Variants in DOCK10 observed in about 807,000 individuals in gnomAD.
DOCK10 encodes the protein dedicator of cytokinesis protein 10.
A neutral mutation model predicts 280.1 loss-of-function variants in DOCK10; 145 were observed. The observed-to-expected ratio is 0.52, with a 90% CI of 0.45 to 0.59. The LOEUF is 0.59. DOCK10 is among the 20% of genes least tolerant of loss of function. The pLI is 0.00. For synonymous variants in DOCK10, 915 were observed against 942.2 expected (o/e 0.97, Z 0.53); for missense variants, 2,368 against 2,651.7 (o/e 0.89, Z 2.35).
At position 224,993,078 on chromosome 2, in the gene DOCK10, G is replaced by A. The variant is rs575414977; in HGVS notation, c.123+49174C>T. On this transcript the variant is annotated intron_variant, in intron 1 of 55. Transcript: ENST00000258390. The stretch of plus-strand genomic sequence containing the variant: ...AGGAAAGAACTGAAAATCAGGCAGT[G>A]GAAGGAGGTCCTACCAAGCCCAGAA... 4.7e-4 allele frequency among the ~76,000 whole-genome samples: 71 copies of A among 152,270 alleles called. No individual in the cohort carries two copies. In the South Asian group the frequency reaches 5.8e-3, roughly 12 times the overall value.
chr2:224,885,930 T>A (rs1346115415), intron 6 of DOCK10, 125 bp from the exon 7 acceptor site: 1 of 1,494,368 alleles, frequency 6.7e-7, no homozygotes, highest in East Asian at 2.3e-5. Flanking sequence ...GAGAAGAGCA[T>A]CCTACTTCCT....
At chr2:224,914,872 G>A (rs1002083953) in intron 3 of DOCK10, among the ~76,000 whole-genome samples, 6 of 151,982 alleles carry the variant, frequency 3.9e-5, no homozygotes, top group East Asian at 1.9e-4. Flanking sequence ...AATTAAATAC[G>A]AACTATTAGG....
intron 1 of DOCK10, among the ~76,000 whole-genome samples, chr2:224,947,673 A>G (rs1703503391): frequency 6.6e-6 from 1 of 152,154 alleles, no homozygotes. Flanking sequence ...CTCTGGGGCT[A>G]TTTAATTTAA....
At chr2:224,859,274 G>T (rs549313347) in intron 14 of DOCK10, among the ~76,000 whole-genome samples, 4 of 152,318 alleles carry the variant, frequency 2.6e-5, no homozygotes, top group African/African-American at 7.2e-5. Context: ...AAAATTCAGT[G>T]TTGAGTGCTG....
chr2:225,035,569 TATA>T lies in DOCK10; in HGVS notation c.123+6680_123+6682del, dbSNP rs1346724515. On this transcript the variant is annotated intron_variant, in intron 1 of 55. Coordinates refer to ENST00000258390, the MANE Select transcript of DOCK10 (RefSeq NM_014689.3). Reference sequence around the variant, plus strand: ...ATATATATATATATATATATATATATATATATATATATATATATAACACTGAAT... The same window carrying T: ...ATATATATATATATATATATATATATTATATATATATATATAACACTGAAT... Among the ~76,000 whole-genome samples, 401 of 52,196 alleles carry T rather than the reference TATA, an allele frequency of 7.7e-3. 37 individuals are homozygous for T. The highest frequency in any genetic ancestry group is 0.034 in the East Asian group (59 of 1,736). The allele number at this position is 52,196 out of a possible 152,430, so 34.2% of individuals were successfully genotyped here.
intron 1 of DOCK10, among the ~76,000 whole-genome samples, chr2:225,040,680 C>T (rs1406716298): frequency 1.3e-5 from 2 of 152,112 alleles, no homozygotes. Flanking sequence ...GTGTTTCCAT[C>T]AGATCCTCAG....
At chr2:225,041,575 A>G (rs1386339896) in intron 1 of DOCK10, among the ~76,000 whole-genome samples, 1 of 152,196 alleles carries the variant, frequency 6.6e-6, no homozygotes, top group Non-Finnish European at 1.5e-5. Flanking sequence ...TGCTGGTGGG[A>G]GAACCCCGCG....
At chr2:224,839,366 C>G (rs1178580135) in intron 24 of DOCK10, among the ~76,000 whole-genome samples, 2 of 151,992 alleles carry the variant, frequency 1.3e-5, no homozygotes, top group Non-Finnish European at 2.9e-5. Flanking sequence ...CTCGGCCTCC[C>G]AAAGTGCTGG....
intron 48 of DOCK10, among the ~76,000 whole-genome samples, chr2:224,787,984 C>A (rs3768880): frequency 0.31 from 47,190 of 151,918 alleles, 8,397 homozygotes; most frequent in East Asian, 0.78. Flanking sequence ...TATAGATGCA[C>A]CTATAAGAAC....
At chr2:225,040,051 T>G (rs1216079401) in intron 1 of DOCK10, among the ~76,000 whole-genome samples, 1 of 152,182 alleles carries the variant, frequency 6.6e-6, no homozygotes, top group African/African-American at 2.4e-5. Flanking sequence ...ACAACCATGT[T>G]TTGAGAACTT....
In DOCK10 at chr2:224,765,650, C is replaced by A; in HGVS notation, c.*71G>T. 1 of 1,084,450 alleles carries A rather than the reference C, an allele frequency of 9.2e-7. No homozygotes were observed. The highest frequency in any genetic ancestry group is 1.4e-6 in the Non-Finnish European group (1 of 739,306). 67.2% of individuals were successfully genotyped at this position (1,084,450 alleles called of 1,614,324 possible). ...AAAACTTCAAATAAATTAAACCTAT[C>A]TTTCTCTTCCCCGAGATTAGCTGCA... On this transcript the variant is annotated 3_prime_UTR_variant, in exon 56 of 56. Coordinates refer to ENST00000258390, the MANE Select transcript of DOCK10 (RefSeq NM_014689.3).
intron 3 of DOCK10, among the ~76,000 whole-genome samples, chr2:224,908,143 G>A (rs1700775008): frequency 6.7e-6 from 1 of 149,100 alleles, no homozygotes; most frequent in South Asian, 2.1e-4. Context: ...CATAAAGTTG[G>A]CTTCTGCCCT....
At chr2:224,974,940 T>C (rs1053315134) in intron 1 of DOCK10, among the ~76,000 whole-genome samples, 1 of 143,536 alleles carries the variant, frequency 7.0e-6, no homozygotes, top group Non-Finnish European at 1.6e-5. Flanking sequence ...TTGTTTTTGG[T>C]ATAAGTTTCT....
chr2:224,839,227 C>G (rs1029723501), intron 24 of DOCK10, among the ~76,000 whole-genome samples: 2 of 151,720 alleles, frequency 1.3e-5, no homozygotes, highest in African/African-American at 4.9e-5. Context: ...TACAGGCACC[C>G]ACCACCACGC....
rs1484616817 is a variant in DOCK10, at chr2:225,042,419, G to A, written c.-45C>T. ...GCCGCGGGCCCGGGGCGCGCCTCCC[G>A]CCGGTCTTCCCCGCGCCAACCTTCT... is the stretch of plus-strand genomic sequence containing the variant. On this transcript the variant is annotated 5_prime_UTR_variant, in exon 1 of 56. Transcript: ENST00000258390. The surrounding 1 kb of genome is among the most constrained non-coding windows in gnomAD (Gnocchi z 5.1). The A allele has an allele frequency of 8.7e-5, 107 of 1,228,480 alleles. No homozygotes were observed. Among genetic ancestry groups the A allele is most frequent in the Non-Finnish European group, 1.0e-4 (103 of 983,684 alleles). The allele number at this position is 1,228,480 out of a possible 1,614,324, so 76.1% of individuals were successfully genotyped here.
intron 29 of DOCK10, 77 bp from the exon 30 acceptor site, chr2:224,816,790 C>T (rs1694160808): frequency 2.5e-6 from 2 of 792,704 alleles, no homozygotes; most frequent in Non-Finnish European, 4.2e-6. Flanking sequence ...AAAATCTGCA[C>T]TTGAATCTTA....
chr2:224,830,653 T>A, intron 26 of DOCK10, 41 bp from the exon 27 acceptor site: 1 of 1,237,840 alleles, frequency 8.1e-7, no homozygotes, highest in Non-Finnish European at 1.1e-6. Context: ...TATTATCCTA[T>A]GGCAAAATAA....
In DOCK10 at chr2:224,805,637, G is replaced by T; in HGVS notation, c.3815-108C>A. 6.9e-7 allele frequency: 1 copy of T among 1,445,496 alleles called. No homozygotes were observed. Among genetic ancestry groups the T allele is most frequent in the Non-Finnish European group, 9.4e-7 (1 of 1,059,586 alleles). The allele number at this position is 1,445,496 out of a possible 1,614,324, so 89.5% of individuals were successfully genotyped here. The stretch of plus-strand genomic sequence containing the variant: ...AGATGTTGATACTGAGGTAGCAGCA[G>T]TGTTGTCAAAGACCAACATAACAGC... On this transcript the variant is annotated intron_variant, in intron 34 of 55. Coordinates refer to ENST00000258390, the MANE Select transcript of DOCK10 (RefSeq NM_014689.3). This position sits in a 1 kb window ranked among gnomAD's most constrained non-coding sequence, Gnocchi z 4.3.
At chr2:224,845,665 T>TG in intron 19 of DOCK10, 23 bp from the exon 20 acceptor site, 1 of 1,595,288 alleles carries the variant, frequency 6.3e-7, no homozygotes, top group Non-Finnish European at 8.5e-7. Context: ...AAACCATAGT[T>TG]GGACTGAGAT....
Sources: gnomAD v4.1 joint callset for allele counts (sites outside exome capture counted in the v4.1 genomes callset) on GRCh38, gnomAD v4.1.1 for gene constraint, Gnocchi (gnomAD v3.1) non-coding constraint, MANE v1.5 for transcripts, NCBI Gene and HGNC (gene_info 2026-07-23, HGNC 2026-07-21) for gene names.